Variants in SLC8A3 observed in about 807,000 individuals in gnomAD.
SLC8A3 encodes solute carrier family 8 member A3.
In SLC8A3, 37 loss-of-function variants were observed where a neutral mutation model predicts 65.4. The observed-to-expected ratio is 0.57, with a 90% CI of 0.44 to 0.74. SLC8A3 has a LOEUF of 0.74. SLC8A3 is among the 30% of genes least tolerant of loss of function. The pLI is 0.00. For missense variants in SLC8A3, 1,112 were observed against 1,172.1 expected, an observed-to-expected ratio of 0.95 and a Z score of 0.75; for synonymous variants, 461 against 444.5, an observed-to-expected ratio of 1.04 and a Z score of -0.47.
At chr14:70,114,818 T>C (rs1034066192) in intron 2 of SLC8A3, among the ~76,000 whole-genome samples, 10 of 152,156 alleles carry the variant, frequency 6.6e-5, no homozygotes, top group Admixed American at 4.6e-4. Context: ...GAGACTCAAA[T>C]GTGCAGGTTC....
chr14:70,109,567 G>T (rs932764823), intron 2 of SLC8A3, among the ~76,000 whole-genome samples: 1 of 151,688 alleles, frequency 6.6e-6, no homozygotes, highest in Non-Finnish European at 1.5e-5. Flanking sequence ...CAATTCTCCT[G>T]CCTCAGCCTC....
chr14:70,051,434 A>G (rs899761672), intron 4 of SLC8A3, among the ~76,000 whole-genome samples: 1 of 152,112 alleles, frequency 6.6e-6, no homozygotes, highest in African/African-American at 2.4e-5. Context: ...CTGGGACCAC[A>G]GGCATGTACA....
At chr14:70,098,459 T>C (rs1314735621) in intron 2 of SLC8A3, among the ~76,000 whole-genome samples, 1 of 152,168 alleles carries the variant, frequency 6.6e-6, no homozygotes, top group Non-Finnish European at 1.5e-5. Context: ...GGAAACAAGA[T>C]TCCTTTTGCC....
intron 2 of SLC8A3, among the ~76,000 whole-genome samples, chr14:70,161,567 C>A (rs924724354): frequency 1.3e-5 from 2 of 152,092 alleles, no homozygotes; most frequent in African/African-American, 4.8e-5. Context: ...CCACTGAAGG[C>A]AGAAGGAAAG....
intron 2 of SLC8A3, among the ~76,000 whole-genome samples, chr14:70,070,436 A>G (rs1889903215): frequency 6.6e-6 from 1 of 152,206 alleles, no homozygotes; most frequent in Non-Finnish European, 1.5e-5. Flanking sequence ...AGACTTGCCT[A>G]AGGTTATAAC....
At chr14:70,094,954 G>A (rs1466740435) in intron 2 of SLC8A3, among the ~76,000 whole-genome samples, 1 of 152,206 alleles carries the variant, frequency 6.6e-6, no homozygotes, top group African/African-American at 2.4e-5. Flanking sequence ...TAAAGCACAG[G>A]CCCTTAGGAA....
At chr14:70,174,652 T>G (rs867281596) in intron 1 of SLC8A3, among the ~76,000 whole-genome samples, 3,097 of 48,040 alleles carry the variant, frequency 0.064, 174 homozygotes, top group African/African-American at 0.24. Context: ...ACCAAATCCG[T>G]TTTTTTTTTG....
At chr14:70,137,752 T>C (rs1257424157) in intron 2 of SLC8A3, among the ~76,000 whole-genome samples, 3 of 147,956 alleles carry the variant, frequency 2.0e-5, no homozygotes, top group South Asian at 2.2e-4. Context: ...AAAAAACAAC[T>C]CAACAGCCTC....
intron 2 of SLC8A3, among the ~76,000 whole-genome samples, chr14:70,151,171 T>C (rs1159224566): frequency 6.6e-6 from 1 of 151,878 alleles, no homozygotes; most frequent in Non-Finnish European, 1.5e-5. Flanking sequence ...GGAGACTTGC[T>C]TGAACCTGGG....
chr14:70,132,862 G>C (rs1028754660), intron 2 of SLC8A3, among the ~76,000 whole-genome samples: 1 of 152,140 alleles, frequency 6.6e-6, no homozygotes, highest in African/African-American at 2.4e-5. Context: ...CTACATGACA[G>C]AAGGAGATCT....
At chr14:70,091,039 T>C (rs1015320618) in intron 2 of SLC8A3, among the ~76,000 whole-genome samples, 1 of 152,174 alleles carries the variant, frequency 6.6e-6, no homozygotes, top group Non-Finnish European at 1.5e-5. Context: ...CAATTATTGA[T>C]GGATGAGGGA....
chr14:70,128,589 AT>A (rs1894629542), intron 2 of SLC8A3, among the ~76,000 whole-genome samples: 1 of 152,198 alleles, frequency 6.6e-6, no homozygotes, highest in African/African-American at 2.4e-5. Context: ...GAGTGGTTGC[AT>A]TTTTAGCATT....
intron 2 of SLC8A3, chr14:70,080,130 G>A (rs771488103): frequency 2.4e-5 from 24 of 985,456 alleles, no homozygotes; most frequent in Non-Finnish European, 2.9e-5. Context: ...CCACCCTCCT[G>A]GCTGCCAGTT....
rs564367786 is a variant in SLC8A3, at chr14:70,086,294, G to A, written c.1785-25355C>T. 5.1e-4 allele frequency among the ~76,000 whole-genome samples: 77 copies of A among 152,038 alleles called. 2 individuals carry two copies. Among genetic ancestry groups the A allele is most frequent in the Non-Finnish European group, 1.0e-3 (68 of 68,010 alleles). ...TTGCACAGAGAAGCGAGATGAAACCGGGATTCCAGCCTAGCTTAGTTGGAC... is the reference window on the plus strand; with the variant it reads ...TTGCACAGAGAAGCGAGATGAAACCAGGATTCCAGCCTAGCTTAGTTGGAC... On this transcript the variant is annotated intron_variant, in intron 2 of 6. Coordinates refer to ENST00000356921, the MANE Select transcript of SLC8A3 (RefSeq NM_182932.3).
chr14:70,126,288 G>A (rs1177170859), intron 2 of SLC8A3, among the ~76,000 whole-genome samples: 1 of 151,968 alleles, frequency 6.6e-6, no homozygotes, highest in Non-Finnish European at 1.5e-5. Context: ...AACTTAGGGG[G>A]GCATCATTGA....
upstream of SLC8A3, among the ~76,000 whole-genome samples, chr14:70,189,294 G>A (rs940652513): frequency 6.6e-6 from 1 of 152,196 alleles, no homozygotes; most frequent in Non-Finnish European, 1.5e-5. Context: ...CGTCAAAACG[G>A]CGGCGCGTCC....
At chr14:70,172,447 G>A (rs978618970) in intron 1 of SLC8A3, among the ~76,000 whole-genome samples, 13 of 152,046 alleles carry the variant, frequency 8.6e-5, no homozygotes, top group African/African-American at 2.9e-4. Context: ...GAATGTCCAC[G>A]GCCTCCAATC....
At chr14:70,079,455 A>T (rs1450874747) in intron 2 of SLC8A3, among the ~76,000 whole-genome samples, 1 of 151,940 alleles carries the variant, frequency 6.6e-6, no homozygotes. Flanking sequence ...GTGAGCTGAG[A>T]TGGTGCCACT....
chr14:70,122,971 C>T (rs1894179808), intron 2 of SLC8A3, among the ~76,000 whole-genome samples: 1 of 150,626 alleles, frequency 6.6e-6, no homozygotes, highest in Non-Finnish European at 1.5e-5. Context: ...ACTTGGGAGG[C>T]TGAGGCAGGA....
Sources: gnomAD v4.1 joint callset for allele counts (sites outside exome capture counted in the v4.1 genomes callset) on GRCh38, gnomAD v4.1.1 for gene constraint, MANE v1.5 for transcripts, NCBI Gene and HGNC (gene_info 2026-07-23, HGNC 2026-07-21) for gene names.